Variants in TFDP1 observed in about 807,000 individuals in gnomAD.
The protein encoded by TFDP1 is DRTF1-polypeptide 1.
Under a neutral mutation model 48.0 loss-of-function variants are expected in TFDP1, and 6 were observed. That is an observed-to-expected ratio of 0.13 (90% CI 0.07 to 0.25). The LOEUF is 0.25. TFDP1 is among the 10% of genes least tolerant of loss of function. TFDP1 has a pLI of 1.00. For missense variants in TFDP1, 335 were observed against 543.0 expected, an observed-to-expected ratio of 0.62 and a Z score of 3.81; for synonymous variants, 201 against 211.6, an observed-to-expected ratio of 0.95 and a Z score of 0.44.
chr13:113,590,684 A>G (rs1320280462), intron 2 of TFDP1, among the ~76,000 whole-genome samples: 1 of 152,064 alleles, frequency 6.6e-6, no homozygotes, highest in Non-Finnish European at 1.5e-5. Context: ...GGATGAGGTT[A>G]GAGAAACTCT....
In TFDP1 at chr13:113,609,123, T is replaced by C. The variant is rs144764293; in HGVS notation, c.13-1873T>C. On this transcript the variant is annotated intron_variant, in intron 2 of 11. Transcript: ENST00000375370. ...CTCTGCGGGGCCTGTGCCGGTGCTG[T>C]GTCAGGTGTGGTGGCCTCAGAGCGC... Among the ~76,000 whole-genome samples, 41 of 152,352 alleles carry C rather than the reference T, an allele frequency of 2.7e-4. No homozygotes were observed. In the East Asian group the frequency reaches 7.7e-3, roughly 29 times the overall value.
intron 2 of TFDP1, among the ~76,000 whole-genome samples, chr13:113,594,096 TGTG>T (rs940181429): frequency 7.5e-6 from 1 of 133,228 alleles, no homozygotes; most frequent in Non-Finnish European, 1.6e-5. Context: ...AGGTGACAGG[TGTG>T]GTGTACGTGG....
At chr13:113,612,628 T>A (rs578041738) in intron 3 of TFDP1, among the ~76,000 whole-genome samples, 1 of 152,366 alleles carries the variant, frequency 6.6e-6, no homozygotes, top group African/African-American at 2.4e-5. Flanking sequence ...TTGGAAATGA[T>A]GAAGTCTGTT....
At chr13:113,597,875 A>C (rs959936255) in intron 2 of TFDP1, among the ~76,000 whole-genome samples, 3 of 152,090 alleles carry the variant, frequency 2.0e-5, no homozygotes, top group Admixed American at 6.5e-5. Flanking sequence ...TGTTGCACAG[A>C]GGGGCCCTGG....
rs114897655 is a variant in TFDP1, at chr13:113,592,134, G to A, written c.12+6285G>A. On this transcript the variant is annotated intron_variant, in intron 2 of 11. Coordinates refer to ENST00000375370, the MANE Select transcript of TFDP1 (RefSeq NM_007111.5). Reference sequence around the variant, plus strand: ...TGAAGAGTTATATCTGCCTCTTCCCGTTAGTCTTTTATGTGAATCCTGTTT... The same window carrying A: ...TGAAGAGTTATATCTGCCTCTTCCCATTAGTCTTTTATGTGAATCCTGTTT... Among the ~76,000 whole-genome samples the A allele has an allele frequency of 4.0e-3, 606 of 152,142 alleles. 7 individuals carry two copies. Among genetic ancestry groups the A allele is most frequent in the African/African-American group, 0.014 (568 of 41,468 alleles).
intron 8 of TFDP1, among the ~76,000 whole-genome samples, 154 bp downstream of exon 8, chr13:113,634,756 C>T (rs1175881780): frequency 1.3e-5 from 2 of 152,120 alleles, no homozygotes; most frequent in African/African-American, 2.4e-5. Context: ...AGGTGTTGAA[C>T]GTGGGCCTTA....
chr13:113,588,461 C>T (rs982760663), intron 2 of TFDP1, among the ~76,000 whole-genome samples: 11 of 152,136 alleles, frequency 7.2e-5, no homozygotes, highest in African/African-American at 2.7e-4. Context: ...GGGAGACAAG[C>T]GGGTGGGAAA....
intron 8 of TFDP1, among the ~76,000 whole-genome samples, chr13:113,635,618 G>A (rs996381845): frequency 1.2e-4 from 19 of 152,164 alleles, no homozygotes; most frequent in African/African-American, 4.6e-4. Context: ...CCCCCTCCAA[G>A]GCCATCACCC....
intron 1 of TFDP1, chr13:113,585,150 G>GTGGGGCCGGGGCCGGGGCCGGGGC (rs1257308388): frequency 2.0e-5 from 3 of 147,084 alleles, no homozygotes; most frequent in Non-Finnish European, 4.5e-5. Flanking sequence ...CACGCTGGAG[G>GTGGGGCCGGGGCCGGGGCCGGGGC]TGGGGCCGGG....
chr13:113,585,970 T>G, intron 2 of TFDP1, 121 bp downstream of exon 2: 1 of 1,182,428 alleles, frequency 8.5e-7, no homozygotes. Context: ...TTTCAGACTT[T>G]TAAAGCGTCT....
chr13:113,585,016 C>G lies in TFDP1; in HGVS notation c.-65+128C>G, dbSNP rs535780901. ...CGCGCGGCCCCGACCCGCGCCCTCC[C>G]GCGCCCTGCGCGCTCCTGTGCCTCG... On this transcript the variant is annotated intron_variant, in intron 1 of 11. Coordinates refer to ENST00000375370, the MANE Select transcript of TFDP1 (RefSeq NM_007111.5). 5 of 146,806 alleles carry G rather than the reference C, an allele frequency of 3.4e-5. No individual in the cohort carries two copies. In the East Asian group the frequency reaches 9.9e-4, roughly 29 times the overall value. The allele number at this position is 146,806 out of a possible 1,614,324, so 9.1% of individuals were successfully genotyped here.
rs1394996590 is a variant in TFDP1 at position 113,633,824 on chromosome 13, T to C, written c.475-66T>C. On this transcript the variant is annotated intron_variant, in intron 6 of 11. Transcript: ENST00000375370. The surrounding 1 kb of genome is among the most constrained non-coding windows in gnomAD (Gnocchi z 4.5). ...TGCCCCTTTGAGCCAGTGCCCATGGTCTACAGTTTAAGGATCCACCGGCCT... is the reference window on the plus strand; with the variant it reads ...TGCCCCTTTGAGCCAGTGCCCATGGCCTACAGTTTAAGGATCCACCGGCCT... 29 of 1,547,142 alleles carry C rather than the reference T, an allele frequency of 1.9e-5. No individual in the cohort carries two copies. The highest frequency in any genetic ancestry group is 2.4e-5 in the Non-Finnish European group (28 of 1,145,264).
intron 4 of TFDP1, among the ~76,000 whole-genome samples, chr13:113,630,511 C>T (rs1232468906): frequency 2.0e-5 from 3 of 152,152 alleles, no homozygotes; most frequent in Non-Finnish European, 4.4e-5. Flanking sequence ...CTTAGAGTAG[C>T]TCAGGGCATC....
rs146618476 is a variant in TFDP1 at position 113,632,202 on chromosome 13, T to A, written c.308+458T>A. On this transcript the variant is annotated intron_variant, in intron 5 of 11. Coordinates refer to ENST00000375370, the MANE Select transcript of TFDP1 (RefSeq NM_007111.5). ...CTCCTTCCACTAAAGCAAGATCTGATGAGCTGTGTCTTTCCTTAAAAACAC... is the reference window on the plus strand; with the variant it reads ...CTCCTTCCACTAAAGCAAGATCTGAAGAGCTGTGTCTTTCCTTAAAAACAC... Among the ~76,000 whole-genome samples the A allele has an allele frequency of 2.6e-4, 40 of 152,352 alleles. No individual in the cohort carries two copies. In the East Asian group the frequency reaches 7.5e-3, roughly 29 times the overall value.
rs1190083186 is a variant in TFDP1, at chr13:113,598,980, A to G, written c.13-12016A>G. Among the ~76,000 whole-genome samples the G allele has an allele frequency of 2.0e-5, 3 of 152,352 alleles. No homozygotes were observed. The highest frequency in any genetic ancestry group is 2.1e-4 in the South Asian group (1 of 4,830). ...TTATTTAAAAACGTAGGGTGCAGAA[A>G]GGTGTCAGAAAGTAAGCAGTCATCT... On this transcript the variant is annotated intron_variant, in intron 2 of 11. Transcript: ENST00000375370. This position sits in a 1 kb window ranked among gnomAD's most constrained non-coding sequence, Gnocchi z 4.2.
intron 3 of TFDP1, among the ~76,000 whole-genome samples, chr13:113,614,684 C>CCTG (rs1279578389): frequency 2.6e-5 from 4 of 152,196 alleles, no homozygotes; most frequent in South Asian, 4.1e-4. Context: ...TGTGTCTCTT[C>CCTG]CTGCTGCTGC....
At chr13:113,613,661 G>C (rs1566655614) in intron 3 of TFDP1, among the ~76,000 whole-genome samples, 2 of 149,676 alleles carry the variant, frequency 1.3e-5, no homozygotes, top group Non-Finnish European at 3.0e-5. Context: ...GAATGCGTGG[G>C]TATGAGTGTG....
At chr13:113,597,442 C>T (rs888020041) in intron 2 of TFDP1, among the ~76,000 whole-genome samples, 55 of 152,158 alleles carry the variant, frequency 3.6e-4, no homozygotes, top group African/African-American at 2.2e-4. Flanking sequence ...ATTTTCCCAC[C>T]GGAACCTGTG....
chr13:113,621,413 C>T (rs2048992281), intron 3 of TFDP1, among the ~76,000 whole-genome samples: 1 of 152,160 alleles, frequency 6.6e-6, no homozygotes, highest in Non-Finnish European at 1.5e-5. Context: ...ACCGAGGACA[C>T]GAGCTGTTCC....
Sources: allele counts gnomAD v4.1 joint callset (sites outside exome capture counted in the v4.1 genomes callset), GRCh38; gene constraint gnomAD v4.1.1; non-coding constraint Gnocchi (gnomAD v3.1); transcripts MANE v1.5; gene names NCBI Gene and HGNC (gene_info 2026-07-23, HGNC 2026-07-21).